Variants in IQSEC3 observed in about 807,000 individuals in gnomAD.
IQSEC3 encodes IQ motif and SEC7 domain-containing protein 3.
Under a neutral mutation model 105.4 loss-of-function variants are expected in IQSEC3, and 50 were observed. The ratio of observed to expected loss-of-function variants is 0.47; its 90% CI spans 0.38 to 0.60. IQSEC3 has a LOEUF of 0.60. Ranked by LOEUF, IQSEC3 falls within the 20% of genes least tolerant of loss-of-function variation. The probability of loss-of-function intolerance (pLI) is 0.00; values close to 1 mark genes in which losing one functional copy is unlikely to be tolerated. For missense variants in IQSEC3, 1,415 were observed against 1,630.0 expected (o/e 0.87, Z 2.27); for synonymous variants, 708 against 746.0 (o/e 0.95, Z 0.83).
intron 7 of IQSEC3, among the ~76,000 whole-genome samples, chr12:160,277 A>G (rs1565444675): frequency 6.6e-6 from 1 of 152,148 alleles, no homozygotes; most frequent in Non-Finnish European, 1.5e-5. Context: ...GTGAGCCACC[A>G]GAAAGCGGAT....
chr12:142,166 G>C (rs76270974), intron 5 of IQSEC3: 2,016 of 152,388 alleles, frequency 0.013, 63 homozygotes, highest in East Asian at 0.094. Flanking sequence ...GTCAGCAGAA[G>C]TGTCTCCCCG....
intron 2 of IQSEC3, among the ~76,000 whole-genome samples, chr12:114,278 G>A (rs1258281615): frequency 1.3e-5 from 2 of 152,244 alleles, no homozygotes; most frequent in African/African-American, 4.8e-5. Context: ...CATGTGATGA[G>A]CCTCTGCTAT....
intron 1 of IQSEC3, among the ~76,000 whole-genome samples, chr12:89,021 G>A (rs1475492608): frequency 2.0e-5 from 3 of 152,132 alleles, no homozygotes; most frequent in Admixed American, 6.5e-5. Context: ...AATAAGGCAG[G>A]TGTAGGAGCC....
At chr12:162,096 C>T (rs782415421) in intron 8 of IQSEC3, 31 bp downstream of exon 8, 3 of 1,608,030 alleles carry the variant, frequency 1.9e-6, no homozygotes, top group Non-Finnish European at 2.6e-6. Context: ...TATCTCCCGT[C>T]TCCTTTCCTT....
In IQSEC3 at chr12:138,847, A is replaced by G. The variant is rs143185819; in HGVS notation, c.1484A>G (p.Gln495Arg). 5.6e-6 allele frequency: 9 copies of G among 1,612,198 alleles called. No homozygotes were observed. Among genetic ancestry groups the G allele is most frequent in the Non-Finnish European group, 7.6e-6 (9 of 1,179,372 alleles). The change falls in exon 4 of 14, where the codon CAG (glutamine) becomes CGG (arginine). Residue 495 changes from glutamine to arginine, a missense_variant. Transcript: ENST00000538872. This position sits in a 1 kb window ranked among gnomAD's most constrained non-coding sequence, Gnocchi z 7.1. The stretch of plus-strand genomic sequence containing the variant: ...GACGTCACGGTGCAGATCGCCAACC[A>G]GAACATATCCGTCTCCTCCTCCACG... ...FRDVTVQIAN[Q>R]NISVSSSTAL...
intron 2 of IQSEC3, chr12:106,380 G>T (rs531337594): frequency 1.3e-5 from 2 of 152,378 alleles, no homozygotes; most frequent in Admixed American, 6.5e-5. Context: ...CACAGCCAGC[G>T]GGTGGCTGAG....
At chr12:119,843 A>G (rs1364283862) in intron 2 of IQSEC3, among the ~76,000 whole-genome samples, 1 of 152,184 alleles carries the variant, frequency 6.6e-6, no homozygotes, top group African/African-American at 2.4e-5. Flanking sequence ...AGCTGAGCCA[A>G]TCTTTGGTGG....
chr12:156,842 G>A (rs942092369), intron 5 of IQSEC3, among the ~76,000 whole-genome samples, 183 bp from the exon 6 acceptor site: 6 of 152,186 alleles, frequency 3.9e-5, no homozygotes, highest in African/African-American at 1.4e-4. Flanking sequence ...TTTGGGTTCC[G>A]AAAGGGCTAC....
intron 2 of IQSEC3, among the ~76,000 whole-genome samples, chr12:104,598 C>T (rs1441298678): frequency 6.6e-6 from 1 of 152,146 alleles, no homozygotes; most frequent in Non-Finnish European, 1.5e-5. Flanking sequence ...TCCCACTTGG[C>T]GAGGCGTACT....
At chr12:125,207 G>C (rs1003918853) in intron 2 of IQSEC3, among the ~76,000 whole-genome samples, 2 of 152,186 alleles carry the variant, frequency 1.3e-5, no homozygotes, top group African/African-American at 4.8e-5. Context: ...AGCTTAAAGA[G>C]TTGTAAGTAA....
At chr12:153,710 T>A (rs1866586434) in intron 5 of IQSEC3, among the ~76,000 whole-genome samples, 1 of 152,078 alleles carries the variant, frequency 6.6e-6, no homozygotes. Flanking sequence ...TATGCCTCCA[T>A]CCACCCCTCC....
intron 1 of IQSEC3, among the ~76,000 whole-genome samples, chr12:90,865 T>A (rs1337149862): frequency 1.2e-4 from 19 of 152,172 alleles, no homozygotes; most frequent in Non-Finnish European, 2.1e-4. Context: ...TTCCTATTTA[T>A]TAAGTTTAAA....
chr12:82,928 T>A (rs1863793420), intron 1 of IQSEC3, among the ~76,000 whole-genome samples: 1 of 152,218 alleles, frequency 6.6e-6, no homozygotes, highest in African/African-American at 2.4e-5. Context: ...TGGAGACTGT[T>A]GTTCAGCAGG....
intron 2 of IQSEC3, among the ~76,000 whole-genome samples, chr12:116,888 G>T (rs1447697054): frequency 6.6e-6 from 1 of 152,228 alleles, no homozygotes; most frequent in Non-Finnish European, 1.5e-5. Context: ...TTCAGGACAG[G>T]GATTCTTCTG....
chr12:169,370 G>A (rs1056210165), intron 12 of IQSEC3, among the ~76,000 whole-genome samples: 36 of 152,204 alleles, frequency 2.4e-4, no homozygotes, highest in Non-Finnish European at 3.1e-4. Flanking sequence ...CTGCCCTGGA[G>A]GAGTCAGGCA....
chr12:87,680 G>C (rs1863959941), intron 1 of IQSEC3, among the ~76,000 whole-genome samples: 1 of 152,188 alleles, frequency 6.6e-6, no homozygotes, highest in African/African-American at 2.4e-5. Flanking sequence ...AGAGATTTGA[G>C]CATGTTTATA....
intron 13 of IQSEC3, among the ~76,000 whole-genome samples, chr12:173,159 G>A (rs1386877917): frequency 6.6e-6 from 1 of 152,190 alleles, no homozygotes; most frequent in Non-Finnish European, 1.5e-5. Flanking sequence ...GAGGGTCCTG[G>A]AGGGATCCCC....
chr12:168,877 G>A (rs925660530), intron 11 of IQSEC3, 136 bp from the exon 12 acceptor site: 20 of 748,658 alleles, frequency 2.7e-5, no homozygotes, highest in Admixed American at 6.3e-5. Context: ...GGCCAGACCC[G>A]AGGTCCGTGT....
At position 138,725 on chromosome 12, in the gene IQSEC3, G is replaced by A; in HGVS notation, c.1362G>A (p.Arg454=). The change falls in exon 4 of 14, where the codon CGG becomes CGA. Residue 454 remains arginine, a synonymous_variant. Transcript: ENST00000538872. This position sits in a 1 kb window ranked among gnomAD's most constrained non-coding sequence, Gnocchi z 7.1. ...AGPPGLEAEG[R]APESAGPGPG... is the part of the protein sequence containing the mutation. ...CCCCAGGCCTGGAGGCCGAGGGGCG[G>A]GCGCCGGAGAGCGCGGGCCCCGGGC... 1 of 1,495,630 alleles carries A rather than the reference G, an allele frequency of 6.7e-7. No homozygotes were observed. The highest frequency in any genetic ancestry group is 8.9e-7 in the Non-Finnish European group (1 of 1,129,102). 92.6% of individuals were successfully genotyped at this position (1,495,630 alleles called of 1,614,324 possible). A position where few individuals can be genotyped will look rare whatever the true frequency, so the allele number is the denominator to read the frequency against.
Sources: allele counts gnomAD v4.1 joint callset (sites outside exome capture counted in the v4.1 genomes callset), GRCh38; gene constraint gnomAD v4.1.1; non-coding constraint Gnocchi (gnomAD v3.1); transcripts MANE v1.5; gene names NCBI Gene and HGNC (gene_info 2026-07-23, HGNC 2026-07-21).